ERI3: variants seen among roughly 807,000 people sequenced by gnomAD.
ERI3 encodes ERI1 exoribonuclease family member 3, also known as ERI1 exoribonuclease 3.
In ERI3, 18 loss-of-function variants were observed where a neutral mutation model predicts 44.4. That is an observed-to-expected ratio of 0.41 (90% confidence interval 0.28 to 0.60). The LOEUF is 0.60. Among genes scored for constraint, ERI3 ranks in the 20% least tolerant of loss-of-function variants. The probability of loss-of-function intolerance (pLI) is 0.36; values close to 1 mark genes in which losing one functional copy is unlikely to be tolerated. For synonymous variants in ERI3, 183 were observed against 164.8 expected (o/e 1.11, Z -0.84); for missense variants, 294 against 435.5 (o/e 0.68, Z 2.89).
Position 44,339,174 on chromosome 1 carries a change from G to A in ERI3, c.360C>T (p.Thr120=). The A allele has an allele frequency of 6.2e-7, 1 of 1,614,018 alleles. No homozygotes were observed. The highest frequency in any genetic ancestry group is 8.5e-7 in the Non-Finnish European group (1 of 1,180,000). Residue 120 remains threonine (T), a synonymous_variant, in exon 3 of 9, where the codon ACC becomes ACT. Coordinates refer to ENST00000372257, the MANE Select transcript of ERI3 (RefSeq NM_024066.3). The part of the protein sequence containing the change: ...CGVPEFCSIS[T]RKLAAHGFGA... ...CAAAGCCGTGGGCCGCCAGCTTTCT[G>A]GTGGATATGGAGCAGAACTCCGGAA...
intron 2 of ERI3, among the ~76,000 whole-genome samples, chr1:44,347,162 G>T (rs1218694324): frequency 6.6e-6 from 1 of 152,104 alleles, no homozygotes; most frequent in Non-Finnish European, 1.5e-5. Flanking sequence ...GACCAACAAT[G>T]CATATCAACT....
At chr1:44,309,426 T>C (rs921645349) in intron 5 of ERI3, among the ~76,000 whole-genome samples, 1 of 151,750 alleles carries the variant, frequency 6.6e-6, no homozygotes, top group Non-Finnish European at 1.5e-5. Flanking sequence ...GCCTGGGAGG[T>C]GGAGGTTGCA....
In ERI3 at chr1:44,229,510, G is replaced by A. The variant is rs1223184354; in HGVS notation, c.932-7870C>T. On this transcript the variant is annotated intron_variant, in intron 8 of 8. Coordinates refer to ENST00000372257, the MANE Select transcript of ERI3 (RefSeq NM_024066.3). The stretch of plus-strand genomic sequence containing the variant: ...GCTGCCCCAGAGAGCCAATTACCCC[G>A]CCCTGATTGGGATCAGATAAAGAGG... Among the ~76,000 whole-genome samples the A allele has an allele frequency of 2.6e-5, 4 of 152,136 alleles. No individual in the cohort carries two copies. In the East Asian group the frequency reaches 7.7e-4, roughly 29 times the overall value.
Position 44,228,455 on chromosome 1 carries a change from T to C in ERI3, c.932-6815A>G, listed in dbSNP as rs1644098829. 6.6e-6 allele frequency among the ~76,000 whole-genome samples: 1 copy of C among 152,220 alleles called. No homozygotes were observed. Among genetic ancestry groups the C allele is most frequent in the Admixed American group, 6.5e-5 (1 of 15,286 alleles). ...TTCAAACAACTCACCATTACCATAT[T>C]TTTAAATATTAGACTTAATTAGAGT... On this transcript the variant is annotated intron_variant, in intron 8 of 8. Transcript: ENST00000372257. This position sits in a 1 kb window ranked among gnomAD's most constrained non-coding sequence, Gnocchi z 4.3.
chr1:44,342,826 T>TATATATATATATATATATAA (rs1646688461), intron 2 of ERI3, among the ~76,000 whole-genome samples: 1 of 17,294 alleles, frequency 5.8e-5, no homozygotes, highest in African/African-American at 2.6e-4. Context: ...TATATATATA[T>TATATATATATATATATATAA]ATATATATAT....
At chr1:44,300,969 A>T (rs1374450641) in intron 6 of ERI3, among the ~76,000 whole-genome samples, 5 of 151,974 alleles carry the variant, frequency 3.3e-5, no homozygotes, top group Admixed American at 3.3e-4. Flanking sequence ...TTCACCCCAC[A>T]ATGAATGGCC....
At chr1:44,259,449 C>G (rs1400558640) in intron 7 of ERI3, among the ~76,000 whole-genome samples, 2 of 152,120 alleles carry the variant, frequency 1.3e-5, no homozygotes, top group Admixed American at 6.5e-5. Flanking sequence ...CCATGCAGGA[C>G]CTCAAAGGAC....
At chr1:44,334,219 A>G (rs1432475420) in intron 3 of ERI3, among the ~76,000 whole-genome samples, 3 of 152,174 alleles carry the variant, frequency 2.0e-5, no homozygotes, top group East Asian at 3.9e-4. Flanking sequence ...CCTCCTCCCA[A>G]CGTGCTGTGG....
At chr1:44,309,750 A>G (rs1461204275) in intron 5 of ERI3, among the ~76,000 whole-genome samples, 2 of 151,974 alleles carry the variant, frequency 1.3e-5, no homozygotes, top group African/African-American at 2.4e-5. Context: ...TTTTTAGTAG[A>G]GACGGGGTTT....
At chr1:44,302,723 G>A (rs1043510947) in intron 6 of ERI3, among the ~76,000 whole-genome samples, 1 of 152,144 alleles carries the variant, frequency 6.6e-6, no homozygotes, top group African/African-American at 2.4e-5. Flanking sequence ...AACATCCTGA[G>A]GCTCTGCCAC....
At chr1:44,349,714 C>T (rs1476234237) in intron 2 of ERI3, among the ~76,000 whole-genome samples, 2 of 152,174 alleles carry the variant, frequency 1.3e-5, no homozygotes, top group Admixed American at 1.3e-4. Context: ...GTTATCAAGA[C>T]ACTGTGCAAA....
intron 3 of ERI3, among the ~76,000 whole-genome samples, chr1:44,335,701 A>G (rs1394787871): frequency 6.9e-6 from 1 of 145,296 alleles, no homozygotes. Flanking sequence ...CGGTGAGCCG[A>G]GATCACACCA....
chr1:44,336,619 G>A (rs1266052606), intron 3 of ERI3, among the ~76,000 whole-genome samples: 1 of 152,198 alleles, frequency 6.6e-6, no homozygotes, highest in Non-Finnish European at 1.5e-5. Context: ...AGTGCCCCAC[G>A]CTCTTCTAGC....
intron 8 of ERI3, among the ~76,000 whole-genome samples, chr1:44,236,774 G>C (rs1178306072): frequency 2.0e-4 from 31 of 152,136 alleles, no homozygotes; most frequent in Admixed American, 2.0e-3. Flanking sequence ...ACAAGGCTCA[G>C]AGTGGGGACA....
intron 8 of ERI3, among the ~76,000 whole-genome samples, chr1:44,229,581 C>T (rs1448195535): frequency 1.3e-5 from 2 of 152,120 alleles, no homozygotes; most frequent in Admixed American, 6.5e-5. Flanking sequence ...ACACAGGGTG[C>T]GGGCAGGACC....
chr1:44,261,264 GC>G (rs1644887786), intron 7 of ERI3, among the ~76,000 whole-genome samples: 1 of 152,252 alleles, frequency 6.6e-6, no homozygotes, highest in Non-Finnish European at 1.5e-5. Flanking sequence ...AGCGTGGCAC[GC>G]CCCAGCGGGC....
chr1:44,296,975 CAGAG>C (rs947432010), intron 6 of ERI3, among the ~76,000 whole-genome samples: 4 of 152,316 alleles, frequency 2.6e-5, no homozygotes, highest in Admixed American at 1.3e-4. Flanking sequence ...CCTCTGAAGA[CAGAG>C]AGCTGTTTGC....
chr1:44,349,487 A>G (rs575512111), intron 2 of ERI3, among the ~76,000 whole-genome samples: 1 of 152,228 alleles, frequency 6.6e-6, no homozygotes, highest in African/African-American at 2.4e-5. Flanking sequence ...ATGAACACCC[A>G]TTGTCTGAAA....
chr1:44,323,890 G>A (rs1174956088), intron 3 of ERI3, among the ~76,000 whole-genome samples: 2 of 152,292 alleles, frequency 1.3e-5, no homozygotes, highest in East Asian at 3.9e-4. Flanking sequence ...AATATGAAGG[G>A]TCAAGAAAGA....
Sources: allele counts gnomAD v4.1 joint callset (sites outside exome capture counted in the v4.1 genomes callset), GRCh38; gene constraint gnomAD v4.1.1; non-coding constraint Gnocchi (gnomAD v3.1); transcripts MANE v1.5; gene names NCBI Gene and HGNC (gene_info 2026-07-23, HGNC 2026-07-21).